KLF12: variants seen among roughly 807,000 people sequenced by gnomAD.
KLF12 encodes the protein KLF transcription factor 12.
KLF12 carries 9 observed loss-of-function variants against 37.8 expected under a neutral mutation model. That is an observed-to-expected ratio of 0.24 (90% CI 0.14 to 0.42). KLF12 has a LOEUF of 0.42. Ranked by LOEUF, KLF12 falls within the 10% of genes least tolerant of loss-of-function variation. KLF12 has a pLI of 1.00. For missense variants in KLF12, 411 were observed against 516.0 expected (o/e 0.80, Z 1.97); for synonymous variants, 208 against 202.1 (o/e 1.03, Z -0.25).
chr13:74,112,110 G>A (rs374086848), intron 1 of KLF12, among the ~76,000 whole-genome samples: 1 of 152,122 alleles, frequency 6.6e-6, no homozygotes, highest in Non-Finnish European at 1.5e-5. Context: ...GGACCAAACA[G>A]AGCCATGGCC....
intron 4 of KLF12, among the ~76,000 whole-genome samples, chr13:73,843,252 A>C (rs1455503940): frequency 6.6e-6 from 1 of 152,014 alleles, no homozygotes; most frequent in Non-Finnish European, 1.5e-5. Context: ...AGAGATAATA[A>C]GTAATTTCAA....
chr13:73,897,652 G>C (rs377442143), intron 3 of KLF12, among the ~76,000 whole-genome samples: 2 of 152,062 alleles, frequency 1.3e-5, no homozygotes, highest in Admixed American at 1.3e-4. Context: ...CTTCACACCT[G>C]TTACACATCC....
At chr13:74,243,113 C>T in the KLF12 span, among the ~76,000 whole-genome samples, 1 of 152,104 alleles carries the variant, frequency 6.6e-6, no homozygotes, top group Non-Finnish European at 1.5e-5. Context: ...CCTTGTCCCC[C>T]ACCCCTGACA....
At chr13:73,787,804 A>G (rs1881445069) in intron 5 of KLF12, among the ~76,000 whole-genome samples, 2 of 152,168 alleles carry the variant, frequency 1.3e-5, no homozygotes, top group South Asian at 4.2e-4. Context: ...TTATTTTTAA[A>G]CAAAAAAAAG....
chr13:74,239,637 C>G, the KLF12 span, among the ~76,000 whole-genome samples: 1 of 115,914 alleles, frequency 8.6e-6, no homozygotes, highest in Non-Finnish European at 1.7e-5. Flanking sequence ...GTATTGGGTG[C>G]ATATATATTT....
At chr13:74,135,039 G>A (rs1878492730), upstream of KLF12, among the ~76,000 whole-genome samples, 1 of 151,506 alleles carries the variant, frequency 6.6e-6, no homozygotes, top group African/African-American at 2.4e-5. Context: ...AGCCCCGCGG[G>A]CGGTGCCCCC....
At chr13:73,764,851 G>T in intron 6 of KLF12, 87 bp downstream of exon 6, 1 of 755,780 alleles carries the variant, frequency 1.3e-6, no homozygotes, top group Non-Finnish European at 2.3e-6. Flanking sequence ...GTATAGAGAA[G>T]TAGGACTAAT....
chr13:73,894,496 T>C (rs779800555), intron 3 of KLF12, among the ~76,000 whole-genome samples: 6 of 152,220 alleles, frequency 3.9e-5, no homozygotes, highest in Non-Finnish European at 7.3e-5. Flanking sequence ...ATGAATGCCA[T>C]TATATTTTTA....
At chr13:73,714,476 G>C (rs1271835949) in intron 7 of KLF12, among the ~76,000 whole-genome samples, 2 of 152,178 alleles carry the variant, frequency 1.3e-5, no homozygotes, top group Non-Finnish European at 2.9e-5. Flanking sequence ...AAAGACGCTG[G>C]ACTGGACTTG....
intron 1 of KLF12, among the ~76,000 whole-genome samples, chr13:73,996,390 T>C (rs1892120423): frequency 6.6e-6 from 1 of 152,244 alleles, no homozygotes; most frequent in African/African-American, 2.4e-5. Context: ...AGATGTTTTG[T>C]CCTTTCTAGT....
intron 3 of KLF12, among the ~76,000 whole-genome samples, chr13:73,876,970 G>A (rs1304167654): frequency 6.6e-6 from 1 of 151,020 alleles, no homozygotes; most frequent in African/African-American, 2.4e-5. Flanking sequence ...AGCAGAGACC[G>A]TGCCACTGCA....
At chr13:74,297,590 T>TA in the KLF12 span, among the ~76,000 whole-genome samples, 1 of 152,194 alleles carries the variant, frequency 6.6e-6, no homozygotes, top group Non-Finnish European at 1.5e-5. Flanking sequence ...AGCTGGGAGC[T>TA]AATATCTTAC....
At chr13:73,924,095 G>C (rs1387027522) in intron 3 of KLF12, among the ~76,000 whole-genome samples, 1 of 152,234 alleles carries the variant, frequency 6.6e-6, no homozygotes, top group Non-Finnish European at 1.5e-5. Flanking sequence ...GCACTCTGAA[G>C]CATGCAAAGC....
Position 73,846,115 on chromosome 13 carries a change from T to C in KLF12, c.382A>G (p.Thr128Ala), listed in dbSNP as rs144313130. Residue 128 changes from threonine to alanine, a missense_variant, in exon 4 of 8, where the codon ACT (threonine) becomes GCT (alanine). Physicochemically the swap from Thr to Ala is moderately conservative, Grantham distance 58. This residue lies in a region of KLF12 where 351 missense variants were observed against 397.8 expected (regional missense o/e 0.88). Coordinates refer to ENST00000377669, the MANE Select transcript of KLF12 (RefSeq NM_007249.5). ...GCTGAAGATACTGATGTGATAACAG[T>C]TGGGGATGAGGCTAGACGACTAGAA... is the stretch of plus-strand genomic sequence containing the variant. The C allele has an allele frequency of 3.1e-6, 5 of 1,613,914 alleles. No homozygotes were observed. The highest frequency in any genetic ancestry group is 1.1e-5 in the South Asian group (1 of 91,064).
At chr13:74,058,542 G>A (rs1482947614) in intron 1 of KLF12, among the ~76,000 whole-genome samples, 1 of 151,270 alleles carries the variant, frequency 6.6e-6, no homozygotes, top group African/African-American at 2.4e-5. Flanking sequence ...ATTTTTAGTA[G>A]AGATGGGGTT....
At chr13:73,954,160 A>T (rs1324972653) in intron 2 of KLF12, among the ~76,000 whole-genome samples, 1 of 151,448 alleles carries the variant, frequency 6.6e-6, no homozygotes, top group Non-Finnish European at 1.5e-5. Context: ...TTGTATTTTT[A>T]GTAGAGGCGG....
the KLF12 span, among the ~76,000 whole-genome samples, chr13:74,147,546 A>G: frequency 6.6e-6 from 1 of 151,936 alleles, no homozygotes; most frequent in African/African-American, 2.4e-5. Context: ...ACTTTCTAAC[A>G]CTCTGGGAAT....
chr13:74,146,792 C>T, the KLF12 span, among the ~76,000 whole-genome samples: 33 of 152,104 alleles, frequency 2.2e-4, no homozygotes, highest in Non-Finnish European at 4.6e-4. Flanking sequence ...TAGGTGAAAT[C>T]GTTTCCATTT....
intron 1 of KLF12, among the ~76,000 whole-genome samples, chr13:74,029,342 T>A (rs1893057396): frequency 6.6e-6 from 1 of 152,116 alleles, no homozygotes. Context: ...TTAAAGTATA[T>A]GTCAAGAAAA....
Sources: gnomAD v4.1 joint callset for allele counts (sites outside exome capture counted in the v4.1 genomes callset) on GRCh38, gnomAD v4.1.1 for gene constraint, gnomAD v4.1.1 regional missense constraint, MANE v1.5 for transcripts, NCBI Gene and HGNC (gene_info 2026-07-23, HGNC 2026-07-21) for gene names.